Variants in SGPP2 observed in about 807,000 individuals in gnomAD.
SGPP2 encodes the protein sphingosine-1-phosphate phosphatase 2, also known as sphingosine 1-phosphate phosphohydrolase 2.
Under a neutral mutation model 33.9 loss-of-function variants are expected in SGPP2, and 30 were observed. That is an observed-to-expected ratio of 0.89 (90% confidence interval 0.66 to 1.20). The LOEUF (loss-of-function observed/expected upper bound fraction) is 1.20. Among genes scored for constraint, SGPP2 ranks in the 50% most tolerant of loss-of-function variants. SGPP2 has a pLI of 0.00. For synonymous variants in SGPP2, 233 were observed against 225.0 expected, an observed-to-expected ratio of 1.04 and a Z score of -0.32; for missense variants, 458 against 532.1, an observed-to-expected ratio of 0.86 and a Z score of 1.37.
chr2:222,493,779 G>T (rs541505014), intron 2 of SGPP2, among the ~76,000 whole-genome samples: 1 of 152,160 alleles, frequency 6.6e-6, no homozygotes, highest in African/African-American at 2.4e-5. Context: ...CGTACTGTTA[G>T]GCCTAAAATT....
At chr2:222,533,927 G>A (rs1466381544) in intron 4 of SGPP2, among the ~76,000 whole-genome samples, 2 of 152,124 alleles carry the variant, frequency 1.3e-5, no homozygotes, top group Non-Finnish European at 2.9e-5. Flanking sequence ...GAACTGTGAT[G>A]GAACCAGCCA....
At position 222,558,433 on chromosome 2, in the gene SGPP2, C is replaced by T; in HGVS notation, c.735C>T (p.Ala245=). The change falls in exon 5 of 5, where the codon GCC becomes GCT. Residue 245 remains alanine (A), a synonymous_variant. Coordinates refer to ENST00000321276, the MANE Select transcript of SGPP2 (RefSeq NM_152386.4). The part of the protein sequence containing the change: ...AWTFIDCLDS[A]SPLFPVCVIV... ...CCTTCATCGACTGCCTGGACTCGGC[C>T]AGCCCCCTCTTCCCCGTGTGTGTCA... 1.1e-5 allele frequency: 18 copies of T among 1,614,196 alleles called. No homozygotes were observed. Among genetic ancestry groups the T allele is most frequent in the Non-Finnish European group, 1.5e-5 (18 of 1,180,040 alleles).
At chr2:222,461,208 G>A (rs1210111258) in intron 1 of SGPP2, among the ~76,000 whole-genome samples, 1 of 152,216 alleles carries the variant, frequency 6.6e-6, no homozygotes, top group Non-Finnish European at 1.5e-5. Flanking sequence ...GGGGTAGCAT[G>A]TGATTTACAT....
intron 4 of SGPP2, among the ~76,000 whole-genome samples, chr2:222,525,919 G>A (rs1261197926): frequency 6.6e-6 from 1 of 152,164 alleles, no homozygotes; most frequent in Non-Finnish European, 1.5e-5. Context: ...GGGCAGAAGG[G>A]CAGAAGCTGC....
chr2:222,526,629 T>C (rs1022654448), intron 4 of SGPP2, among the ~76,000 whole-genome samples: 3 of 152,298 alleles, frequency 2.0e-5, no homozygotes, highest in Non-Finnish European at 2.9e-5. Context: ...ATGATCTTGG[T>C]AATGATAGAC....
chr2:222,473,090 T>G (rs1697873326), intron 1 of SGPP2, among the ~76,000 whole-genome samples: 1 of 152,228 alleles, frequency 6.6e-6, no homozygotes, highest in Admixed American at 6.5e-5. Flanking sequence ...TAGCCTGGCC[T>G]ACACCCAGGA....
intron 1 of SGPP2, among the ~76,000 whole-genome samples, chr2:222,425,661 C>G (rs1697056900): frequency 6.6e-6 from 1 of 152,178 alleles, no homozygotes; most frequent in Non-Finnish European, 1.5e-5. Context: ...GCAGCACCTG[C>G]CTTTTCCCTC....
At chr2:222,502,977 G>A (rs573188114) in intron 2 of SGPP2, among the ~76,000 whole-genome samples, 8 of 152,292 alleles carry the variant, frequency 5.3e-5, no homozygotes, top group South Asian at 4.1e-4. Context: ...CTAGGTCTTC[G>A]TTTTAGGCTG....
At position 222,524,994 on chromosome 2, in the gene SGPP2, G is replaced by A. The variant is rs960849473; in HGVS notation, c.609G>A (p.Val203=). 40 of 1,613,988 alleles carry A rather than the reference G, an allele frequency of 2.5e-5. No homozygotes were observed. Among genetic ancestry groups the A allele is most frequent in the African/African-American group, 8.0e-5 (6 of 74,914 alleles). ...TGGCCGTGGTGTTTTCCACCTTGGT[G>A]TGTCTCAGCAGGCTCTACACTGGGA... ...LVMAVVFSTL[V]CLSRLYTGMH... Residue 203 remains valine, a synonymous_variant, in exon 4 of 5, where the codon GTG becomes GTA. Coordinates refer to ENST00000321276, the MANE Select transcript of SGPP2 (RefSeq NM_152386.4).
At chr2:222,447,107 G>A (rs756859650) in intron 1 of SGPP2, among the ~76,000 whole-genome samples, 3 of 152,118 alleles carry the variant, frequency 2.0e-5, no homozygotes, top group Non-Finnish European at 4.4e-5. Flanking sequence ...TTTGCCTGTT[G>A]GCTTGTTGCC....
intron 1 of SGPP2, among the ~76,000 whole-genome samples, chr2:222,441,617 G>A (rs1420298800): frequency 6.6e-6 from 1 of 152,106 alleles, no homozygotes; most frequent in Admixed American, 6.6e-5. Context: ...TGGGCACAGA[G>A]GGTTTAAATG....
intron 2 of SGPP2, among the ~76,000 whole-genome samples, chr2:222,520,736 A>AAAC (rs1282796754): frequency 1.7e-5 from 2 of 115,174 alleles, no homozygotes; most frequent in South Asian, 3.6e-4. Flanking sequence ...AAAAAAAAAA[A>AAAC]AAAAAAAAAC....
At chr2:222,556,786 C>T (rs532125344) in intron 4 of SGPP2, among the ~76,000 whole-genome samples, 3 of 5,204 alleles carry the variant, frequency 5.8e-4, no homozygotes, top group African/African-American at 1.4e-3. Context: ...CCCCATCCAC[C>T]CTCACTCCTT....
intron 2 of SGPP2, among the ~76,000 whole-genome samples, chr2:222,498,049 A>G (rs1046139941): frequency 1.2e-4 from 18 of 152,150 alleles, no homozygotes; most frequent in African/African-American, 4.1e-4. Context: ...AGAAGCTTCC[A>G]GGAGACCACA....
rs202074129 is a variant in SGPP2 at position 222,558,539 on chromosome 2, C to A, written c.841C>A (p.Leu281Met). 27 of 1,614,218 alleles carry A rather than the reference C, an allele frequency of 1.7e-5. No homozygotes were observed. The African/African-American group carries it at 2.8e-4, about 17-fold the overall frequency. ...AACCCGGGCGGACACCACCACCATT[C>A]TGGCTGCCGGGGCTGGAGTGACCAT... The part of the protein sequence containing the change: ...SPTRADTTTI[L>M]AAGAGVTIGF... Residue 281 changes from leucine (L) to methionine (M), a missense_variant, in exon 5 of 5, where the codon CTG becomes ATG. Coordinates refer to ENST00000321276, the MANE Select transcript of SGPP2 (RefSeq NM_152386.4).
In SGPP2 at chr2:222,474,699, A is replaced by G. The variant is rs757036198; in HGVS notation, c.351A>G (p.Leu117=). The change falls in exon 2 of 5, where the codon TTA becomes TTG. Residue 117 remains leucine, a synonymous_variant. Coordinates refer to ENST00000321276, the MANE Select transcript of SGPP2 (RefSeq NM_152386.4). The part of the protein sequence containing the change: ...PFTHWNIDPY[L]SRRLIIIWVL... ...CTCACTGGAATATTGACCCTTATTT[A>G]TCCAGAAGATTGATCATCATATGGG... is the stretch of plus-strand genomic sequence containing the variant. The G allele has an allele frequency of 1.9e-6, 3 of 1,613,804 alleles. No homozygotes were observed. Among genetic ancestry groups the G allele is most frequent in the East Asian group, 2.2e-5 (1 of 44,858 alleles).
Position 222,533,127 on chromosome 2 carries a change from CAGAG to C in SGPP2, c.648+8098_648+8101del, listed in dbSNP as rs112681825. Reference sequence around the variant, plus strand: ...AATTGCATCCAGCTGAAGGAAAAGACAGAGAGAAAGAGGGAAAGGAGGGAAGATA... The same window carrying C: ...AATTGCATCCAGCTGAAGGAAAAGACAGAAAGAGGGAAAGGAGGGAAGATA... On this transcript the variant is annotated intron_variant, in intron 4 of 4. Coordinates refer to ENST00000321276, the MANE Select transcript of SGPP2 (RefSeq NM_152386.4). Among the ~76,000 whole-genome samples, 396 of 152,130 alleles carry C rather than the reference CAGAG, an allele frequency of 2.6e-3. 4 individuals are homozygous for C. Among genetic ancestry groups the C allele is most frequent in the African/African-American group, 8.8e-3 (367 of 41,508 alleles).
At chr2:222,434,032 A>G (rs963059851) in intron 1 of SGPP2, among the ~76,000 whole-genome samples, 11 of 152,198 alleles carry the variant, frequency 7.2e-5, no homozygotes, top group Non-Finnish European at 1.3e-4. Flanking sequence ...GATTAGAATT[A>G]TATCCTGAAC....
chr2:222,474,302 A>G (rs1697896057), intron 1 of SGPP2, among the ~76,000 whole-genome samples: 2 of 152,152 alleles, frequency 1.3e-5, no homozygotes, highest in Admixed American at 6.5e-5. Flanking sequence ...TACAAGAAAA[A>G]AGTTTTTGGC....
Sources: allele counts gnomAD v4.1 joint callset (sites outside exome capture counted in the v4.1 genomes callset), GRCh38; gene constraint gnomAD v4.1.1; transcripts MANE v1.5; gene names NCBI Gene and HGNC (gene_info 2026-07-23, HGNC 2026-07-21).